The following EXT2 variants were observed in gnomAD, a reference collection of about 807,000 sequenced individuals.
EXT2 encodes the protein exostosin-2.
EXT2 carries 53 observed loss-of-function variants against 81.6 expected under a neutral mutation model. That is an observed-to-expected ratio of 0.65 (90% CI 0.52 to 0.82). The LOEUF is 0.82. Ranked by LOEUF, EXT2 falls within the 40% of genes least tolerant of loss-of-function variation. The pLI, the probability that EXT2 is intolerant of heterozygous loss-of-function variation, is 0.00. For synonymous variants in EXT2, 320 were observed against 340.0 expected, an observed-to-expected ratio of 0.94 and a Z score of 0.65; for missense variants, 774 against 910.2, an observed-to-expected ratio of 0.85 and a Z score of 1.93.
intron 10 of EXT2, among the ~76,000 whole-genome samples, chr11:44,218,093 G>A (rs367605324): frequency 6.6e-6 from 1 of 152,126 alleles, no homozygotes; most frequent in East Asian, 1.9e-4. Flanking sequence ...TGGTAGCACT[G>A]GTAAAACCTC....
At chr11:44,127,994 A>C (rs1954434236) in intron 6 of EXT2, among the ~76,000 whole-genome samples, 1 of 152,250 alleles carries the variant, frequency 6.6e-6, no homozygotes, top group Non-Finnish European at 1.5e-5. Context: ...AAGGTTGTTG[A>C]AAATTAATTC....
In EXT2 at chr11:44,136,981, G is replaced by GT. The variant is rs1038243663; in HGVS notation, c.1173+6854dup. Among the ~76,000 whole-genome samples the GT allele has an allele frequency of 5.3e-4, 78 of 146,952 alleles. 1 individual carries two copies. Among genetic ancestry groups the GT allele is most frequent in the South Asian group, 1.5e-3 (7 of 4,640 alleles). ...TTTGTGGGATATTTTAAATTTCACA[G>GT]TTTTTTTTTTTCAGTAGCACTCTAT... On this transcript the variant is annotated intron_variant, in intron 7 of 13. Transcript: ENST00000533608.
intron 7 of EXT2, among the ~76,000 whole-genome samples, chr11:44,158,341 T>C (rs1043093282): frequency 1.3e-5 from 2 of 152,326 alleles, no homozygotes; most frequent in East Asian, 1.9e-4. Flanking sequence ...CAGAGTACTT[T>C]AGCCATTAAC....
rs1197342084 is a variant in EXT2 at position 44,250,765 on chromosome 11, C to T, written c.*6478C>T. 3.3e-5 allele frequency among the ~76,000 whole-genome samples: 5 copies of T among 152,168 alleles called. No homozygotes were observed. The highest frequency in any genetic ancestry group is 1.2e-4 in the African/African-American group (5 of 41,438). On this transcript the variant is annotated 3_prime_UTR_variant, in exon 14 of 14. Transcript: ENST00000533608. ...CTGCTGTCTGAAGCTATTTGGAGTC[C>T]TCTCCCTGTGTTTTCTATGTGGCTT...
At chr11:44,234,599 G>GTT (rs11418727) in intron 12 of EXT2, among the ~76,000 whole-genome samples, 56 of 149,330 alleles carry the variant, frequency 3.8e-4, no homozygotes, top group Non-Finnish European at 4.8e-4. Flanking sequence ...AAGGTAGCTG[G>GTT]TTTTTTTTTT....
At chr11:44,146,537 A>G (rs567998092) in intron 7 of EXT2, among the ~76,000 whole-genome samples, 3 of 152,274 alleles carry the variant, frequency 2.0e-5, no homozygotes, top group African/African-American at 7.2e-5. Context: ...GGGCGCTTTC[A>G]CTACCACCTC....
At chr11:44,202,012 A>G (rs1343227028) in intron 9 of EXT2, among the ~76,000 whole-genome samples, 2 of 152,202 alleles carry the variant, frequency 1.3e-5, no homozygotes, top group East Asian at 1.9e-4. Flanking sequence ...TGAGAATTCT[A>G]TTTAGAGTTC....
intron 4 of EXT2, among the ~76,000 whole-genome samples, chr11:44,117,529 G>T (rs1954239952): frequency 6.6e-6 from 1 of 152,104 alleles, no homozygotes; most frequent in Admixed American, 6.5e-5. Context: ...TTTTGCTTGT[G>T]TATGTCTAGT....
At chr11:44,109,095 T>G in intron 2 of EXT2, 99 bp from the exon 3 acceptor site, 1 of 1,293,892 alleles carries the variant, frequency 7.7e-7, no homozygotes, top group Non-Finnish European at 1.1e-6. Context: ...AGCGGCCCTA[T>G]TTGGGCTTGG....
At chr11:44,227,140 T>C (rs1490363022) in intron 10 of EXT2, among the ~76,000 whole-genome samples, 1 of 152,182 alleles carries the variant, frequency 6.6e-6, no homozygotes, top group Non-Finnish European at 1.5e-5. Context: ...GCACCACCTG[T>C]TGTTACACCT....
intron 8 of EXT2, among the ~76,000 whole-genome samples, chr11:44,179,647 A>G (rs1323628915): frequency 1.3e-5 from 2 of 152,240 alleles, no homozygotes; most frequent in African/African-American, 2.4e-5. Flanking sequence ...AAATGATTCA[A>G]TAATAGAACT....
chr11:44,201,140 A>G (rs996832915), intron 9 of EXT2, among the ~76,000 whole-genome samples: 20 of 152,218 alleles, frequency 1.3e-4, no homozygotes, highest in Non-Finnish European at 1.5e-5. Context: ...GAGACATAAG[A>G]TACAAGGGCA....
chr11:44,133,323 C>T (rs1263146644), intron 7 of EXT2, among the ~76,000 whole-genome samples: 1 of 152,116 alleles, frequency 6.6e-6, no homozygotes, highest in African/African-American at 2.4e-5. Context: ...AGTTCTTATA[C>T]CTTAGTGAAT....
chr11:44,142,798 G>A (rs1014639166), intron 7 of EXT2, among the ~76,000 whole-genome samples: 1 of 152,178 alleles, frequency 6.6e-6, no homozygotes, highest in African/African-American at 2.4e-5. Flanking sequence ...TCATGACTGT[G>A]AAGCAGTGCA....
intron 9 of EXT2, among the ~76,000 whole-genome samples, chr11:44,201,790 T>TGCTCC (rs1955525037): frequency 2.0e-5 from 3 of 152,238 alleles, no homozygotes; most frequent in Non-Finnish European, 4.4e-5. Context: ...CTCCTTCTAC[T>TGCTCC]GCTCCAGTCC....
chr11:44,125,395 T>C (rs1051518343), intron 5 of EXT2, among the ~76,000 whole-genome samples: 1 of 152,170 alleles, frequency 6.6e-6, no homozygotes, highest in Non-Finnish European at 1.5e-5. Flanking sequence ...CAGTGAACTT[T>C]CCCTGGGAGT....
chr11:44,166,655 C>A (rs887369917), intron 7 of EXT2, among the ~76,000 whole-genome samples: 1 of 152,206 alleles, frequency 6.6e-6, no homozygotes, highest in African/African-American at 2.4e-5. Context: ...GTAAGCACAT[C>A]TAGACTAGAA....
At position 44,232,360 on chromosome 11, in the gene EXT2, G is replaced by A. The variant is rs1282578910; in HGVS notation, c.1670G>A (p.Arg557Gln). ...DELQFGYEVW[R>Q]EFPDRLVGYP... ...TTATGTGTCTGTCCTTAGGTCTGGC[G>A]GGAATTTCCTGACCGGTTGGTGGGT... Residue 557 changes from arginine (R) to glutamine (Q), a missense_variant, in exon 11 of 14, where the codon CGG (arginine) becomes CAG (glutamine). By Grantham distance (43) the Arg-to-Gln change is conservative. Coordinates refer to ENST00000533608, the MANE Select transcript of EXT2 (RefSeq NM_207122.2). 1 of 1,613,902 alleles carries A rather than the reference G, an allele frequency of 6.2e-7. No individual in the cohort carries two copies.
At chr11:44,159,118 G>A (rs4531453) in intron 7 of EXT2, among the ~76,000 whole-genome samples, 26,757 of 146,100 alleles carry the variant, frequency 0.18, 2,515 homozygotes, top group Non-Finnish European at 0.22. Context: ...TTTTGCTTTC[G>A]TTCTTTTTTT....
Sources: allele counts gnomAD v4.1 joint callset (sites outside exome capture counted in the v4.1 genomes callset), GRCh38; gene constraint gnomAD v4.1.1; transcripts MANE v1.5; gene names NCBI Gene and HGNC (gene_info 2026-07-23, HGNC 2026-07-21).